BMP8A: variants seen among roughly 807,000 people sequenced by gnomAD.
BMP8A encodes the protein BMP-8A.
In BMP8A, 14 loss-of-function variants were observed where a neutral mutation model predicts 36.8. That is an observed-to-expected ratio of 0.38 (90% confidence interval 0.25 to 0.60). The LOEUF (loss-of-function observed/expected upper bound fraction) is 0.60. Among genes scored for constraint, BMP8A ranks in the 20% least tolerant of loss-of-function variants. The pLI, the probability that BMP8A is intolerant of heterozygous loss-of-function variation, is 0.63. For missense variants in BMP8A, 267 were observed against 551.1 expected (o/e 0.48, Z 5.16); for synonymous variants, 120 against 237.7 (o/e 0.50, Z 4.55).
intron 1 of BMP8A, among the ~76,000 whole-genome samples, chr1:39,509,470 C>T (rs988558020): frequency 2.0e-5 from 3 of 152,184 alleles, no homozygotes; most frequent in African/African-American, 4.8e-5. Flanking sequence ...GCCTGTGTCA[C>T]GGCATCTGAG....
At position 39,529,374 on chromosome 1, in the gene BMP8A, G is replaced by T. The variant is rs556801599; in HGVS notation, c.*3576G>T. Among the ~76,000 whole-genome samples the T allele has an allele frequency of 5.3e-4, 81 of 152,234 alleles. No individual in the cohort carries two copies. The highest frequency in any genetic ancestry group is 1.0e-3 in the Non-Finnish European group (69 of 68,058). On this transcript the variant is annotated 3_prime_UTR_variant, in exon 7 of 7. Coordinates refer to ENST00000331593, the MANE Select transcript of BMP8A (RefSeq NM_181809.4). ...TGGCCCTGCACACTCGCCTGCTCGT[G>T]GAAGGAGTCTGGGCCAGCAGTGACC...
chr1:39,495,189 C>T (rs1645194958), intron 1 of BMP8A, among the ~76,000 whole-genome samples: 1 of 152,248 alleles, frequency 6.6e-6, no homozygotes. Flanking sequence ...CCTCTCCTAT[C>T]AGCCTCATCT....
chr1:39,515,835 C>T (rs1214204764), intron 3 of BMP8A: 3 of 1,587,658 alleles, frequency 1.9e-6, no homozygotes, highest in Admixed American at 3.5e-5. Flanking sequence ...GACGCCAGGA[C>T]GCGCATCATC....
At chr1:39,505,160 C>G (rs1645290737) in intron 1 of BMP8A, among the ~76,000 whole-genome samples, 2 of 152,062 alleles carry the variant, frequency 1.3e-5, no homozygotes, top group African/African-American at 4.8e-5. Flanking sequence ...CAGCACAGAC[C>G]CTTTACAGGT....
chr1:39,503,654 A>G (rs961388926), intron 1 of BMP8A, among the ~76,000 whole-genome samples: 1 of 151,698 alleles, frequency 6.6e-6, no homozygotes, highest in African/African-American at 2.4e-5. Context: ...AGCTGGGACT[A>G]CAGGCACACA....
At chr1:39,525,599 A>G (rs758180168) in intron 6 of BMP8A, 50 bp from the exon 7 acceptor site, 5 of 1,603,824 alleles carry the variant, frequency 3.1e-6, no homozygotes, top group East Asian at 2.2e-5. Context: ...GTGGGTCCTC[A>G]GAGGAGGCCA....
At chr1:39,523,876 G>C (rs776028226) in intron 6 of BMP8A, 1 of 353,720 alleles carries the variant, frequency 2.8e-6, no homozygotes, top group Non-Finnish European at 4.7e-6. Flanking sequence ...GTGATGCCTT[G>C]ATCAGGCGCA....
At chr1:39,507,228 C>T (rs954205638) in intron 1 of BMP8A, among the ~76,000 whole-genome samples, 1 of 152,194 alleles carries the variant, frequency 6.6e-6, no homozygotes, top group African/African-American at 2.4e-5. Flanking sequence ...CCCTCATGGG[C>T]CCCCCAGCCT....
chr1:39,500,632 CA>C (rs34380723), intron 1 of BMP8A, among the ~76,000 whole-genome samples: 1,652 of 102,196 alleles, frequency 0.016, 11 homozygotes, highest in Non-Finnish European at 0.023. Context: ...GAGTAATTTA[CA>C]AAAAAAAAAA....
At chr1:39,519,305 T>G (rs1420056796) in intron 3 of BMP8A, among the ~76,000 whole-genome samples, 2 of 131,690 alleles carry the variant, frequency 1.5e-5, no homozygotes, top group Non-Finnish European at 3.2e-5. Context: ...GTGCCCGGGC[T>G]GGTGACCACC....
At chr1:39,515,400 G>A in intron 3 of BMP8A, 2 of 805,454 alleles carry the variant, frequency 2.5e-6, no homozygotes, top group South Asian at 1.9e-5. Context: ...CCGCGCGGGG[G>A]GCGCCGGGGT....
chr1:39,505,058 C>A (rs1645289594), intron 1 of BMP8A, among the ~76,000 whole-genome samples: 1 of 152,176 alleles, frequency 6.6e-6, no homozygotes. Flanking sequence ...GGGTTTTACA[C>A]CACGACATTC....
Position 39,529,451 on chromosome 1 carries a change from G to A in BMP8A, c.*3653G>A, listed in dbSNP as rs1345468743. ...GTGGCAGGTGTGCGGCCCTGCCCTG[G>A]CCCCGTAGTGAGTGTGGGGCCCACC... On this transcript the variant is annotated 3_prime_UTR_variant, in exon 7 of 7. Coordinates refer to ENST00000331593, the MANE Select transcript of BMP8A (RefSeq NM_181809.4). 1.3e-5 allele frequency among the ~76,000 whole-genome samples: 2 copies of A among 152,232 alleles called. No homozygotes were observed. The highest frequency in any genetic ancestry group is 1.3e-4 in the Admixed American group (2 of 15,288).
intron 3 of BMP8A, among the ~76,000 whole-genome samples, chr1:39,517,433 A>C (rs1645402080): frequency 6.6e-6 from 1 of 151,864 alleles, no homozygotes; most frequent in South Asian, 2.1e-4. Flanking sequence ...CTCATGTCTC[A>C]GCCTCTCAAG....
Position 39,524,548 on chromosome 1 carries a change from C to G in BMP8A, c.1060-1101C>G, listed in dbSNP as rs1645462906. Among the ~76,000 whole-genome samples, 1 of 152,082 alleles carries G rather than the reference C, an allele frequency of 6.6e-6. No homozygotes were observed. Among genetic ancestry groups the G allele is most frequent in the Non-Finnish European group, 1.5e-5 (1 of 68,000 alleles). ...GCCCTAAGACAGGAGCAGGCTGGCC[C>G]TAAGTTCAGGGCCAGCAGGGAGGAG... On this transcript the variant is annotated intron_variant, in intron 6 of 6. Coordinates refer to ENST00000331593, the MANE Select transcript of BMP8A (RefSeq NM_181809.4). The surrounding 1 kb of genome is among the most constrained non-coding windows in gnomAD (Gnocchi z 4.0).
intron 1 of BMP8A, among the ~76,000 whole-genome samples, chr1:39,509,533 G>A (rs1645332794): frequency 6.6e-6 from 1 of 152,182 alleles, no homozygotes; most frequent in Non-Finnish European, 1.5e-5. Flanking sequence ...CTCAGGTGCT[G>A]TGGGACAAGA....
Position 39,525,836 on chromosome 1 carries a change from T to C in BMP8A, c.*38T>C. 1.9e-6 allele frequency: 3 copies of C among 1,611,852 alleles called. No individual in the cohort carries two copies. The highest frequency in any genetic ancestry group is 1.7e-6 in the Non-Finnish European group (2 of 1,179,820). ...AGCCCTACTGCAGCCACCCTTCTCA[T>C]CTGGATCGGGCCCTGCAGAGGCAGA... On this transcript the variant is annotated 3_prime_UTR_variant, in exon 7 of 7. Coordinates refer to ENST00000331593, the MANE Select transcript of BMP8A (RefSeq NM_181809.4).
At chr1:39,493,628 G>C (rs1351521411) in intron 1 of BMP8A, among the ~76,000 whole-genome samples, 3 of 152,248 alleles carry the variant, frequency 2.0e-5, no homozygotes, top group Non-Finnish European at 4.4e-5. Context: ...CCCAGAGCTG[G>C]TGGTGGAGGC....
At position 39,528,049 on chromosome 1, in the gene BMP8A, T is replaced by G. The variant is rs1645501349; in HGVS notation, c.*2251T>G. The stretch of plus-strand genomic sequence containing the variant: ...GGAAACTGACAAATGTGTGGTCTCT[T>G]CAGTGCCCAGTGTGTAACCTGGCAT... On this transcript the variant is annotated 3_prime_UTR_variant, in exon 7 of 7. Coordinates refer to ENST00000331593, the MANE Select transcript of BMP8A (RefSeq NM_181809.4). 6.6e-6 allele frequency among the ~76,000 whole-genome samples: 1 copy of G among 152,190 alleles called. No individual in the cohort carries two copies. Among genetic ancestry groups the G allele is most frequent in the Non-Finnish European group, 1.5e-5 (1 of 68,036 alleles).
Sources: allele counts gnomAD v4.1 joint callset (sites outside exome capture counted in the v4.1 genomes callset), GRCh38; gene constraint gnomAD v4.1.1; non-coding constraint Gnocchi (gnomAD v3.1); transcripts MANE v1.5; gene names NCBI Gene and HGNC (gene_info 2026-07-23, HGNC 2026-07-21).